The following SLC25A36 variants were observed in gnomAD, a reference collection of about 807,000 sequenced individuals.
SLC25A36 encodes the protein epididymis secretory sperm binding protein.
Under a neutral mutation model 35.3 loss-of-function variants are expected in SLC25A36, and 24 were observed. That is an observed-to-expected ratio of 0.68 (90% CI 0.49 to 0.96). The LOEUF (loss-of-function observed/expected upper bound fraction) is 0.96. Ranked by LOEUF, SLC25A36 falls within the 40% of genes least tolerant of loss-of-function variation. The pLI is 0.00. For synonymous variants in SLC25A36, 141 were observed against 132.2 expected (o/e 1.07, Z -0.46); for missense variants, 294 against 381.1 (o/e 0.77, Z 1.90).
chr3:140,943,983 A>AAC (rs1934096543), intron 1 of SLC25A36, among the ~76,000 whole-genome samples: 1 of 151,632 alleles, frequency 6.6e-6, no homozygotes, highest in African/African-American at 2.4e-5. Flanking sequence ...ATATGTAGTT[A>AAC]GAGTATTAAA....
intron 1 of SLC25A36, among the ~76,000 whole-genome samples, chr3:140,946,563 A>G (rs906081069): frequency 1.1e-4 from 17 of 152,220 alleles, no homozygotes; most frequent in African/African-American, 3.6e-4. Context: ...GTTGGAAGCA[A>G]TGGACATTGT....
intron 1 of SLC25A36, among the ~76,000 whole-genome samples, chr3:140,953,396 T>TG (rs57713122): frequency 0.071 from 9,843 of 138,944 alleles, 410 homozygotes; most frequent in East Asian, 0.17. Flanking sequence ...CGACATTTTT[T>TG]GGGGGGGGGG....
At chr3:140,956,503 G>GTT in intron 1 of SLC25A36, 24 bp from the exon 2 acceptor site, 1 of 1,437,722 alleles carries the variant, frequency 7.0e-7, no homozygotes, top group Non-Finnish European at 9.3e-7. Flanking sequence ...GATAAGCTGT[G>GTT]TTCTTTTTTT....
At chr3:140,974,823 G>T (rs1934995475) in intron 6 of SLC25A36, among the ~76,000 whole-genome samples, 1 of 152,136 alleles carries the variant, frequency 6.6e-6, no homozygotes, top group South Asian at 2.1e-4. Flanking sequence ...TAGAAAATGT[G>T]TATTTGCTCT....
At chr3:140,973,535 C>T (rs1374196308) in intron 5 of SLC25A36, 181 bp from the exon 6 acceptor site, 3 of 451,946 alleles carry the variant, frequency 6.6e-6, no homozygotes, top group Non-Finnish European at 1.1e-5. Flanking sequence ...TACATATCAC[C>T]CATTTAATAT....
chr3:140,957,464 A>G (rs949547288), intron 2 of SLC25A36, among the ~76,000 whole-genome samples: 1 of 152,226 alleles, frequency 6.6e-6, no homozygotes, highest in African/African-American at 2.4e-5. Flanking sequence ...TTAAAATGCC[A>G]TAAGTGGTGG....
chr3:140,960,108 T>TA (rs1471230000), intron 3 of SLC25A36, among the ~76,000 whole-genome samples: 1 of 152,134 alleles, frequency 6.6e-6, no homozygotes, highest in Non-Finnish European at 1.5e-5. Flanking sequence ...TAAATGGAAA[T>TA]ACTCTCGTAG....
chr3:140,973,545 T>C (rs754855395), intron 5 of SLC25A36, 171 bp from the exon 6 acceptor site: 14 of 504,332 alleles, frequency 2.8e-5, no homozygotes, highest in Non-Finnish European at 4.1e-5. Flanking sequence ...CCATTTAATA[T>C]GACAAATTTG....
At chr3:140,953,477 T>C (rs886177687) in intron 1 of SLC25A36, among the ~76,000 whole-genome samples, 1 of 152,166 alleles carries the variant, frequency 6.6e-6, no homozygotes, top group African/African-American at 2.4e-5. Context: ...TATTTATGAT[T>C]GAATGTTTCA....
At chr3:140,975,099 T>TTTTTTTTG (rs1935006376) in intron 6 of SLC25A36, among the ~76,000 whole-genome samples, 1 of 52,568 alleles carries the variant, frequency 1.9e-5, no homozygotes, top group Non-Finnish European at 3.1e-5. Flanking sequence ...GATACATTCT[T>TTTTTTTTG]TTTTTTTTTT....
At chr3:140,948,685 C>G (rs1048274477) in intron 1 of SLC25A36, among the ~76,000 whole-genome samples, 2 of 152,194 alleles carry the variant, frequency 1.3e-5, no homozygotes, top group African/African-American at 4.8e-5. Context: ...GTTCATCTAT[C>G]TGTTACCTTG....
intron 2 of SLC25A36, 84 bp downstream of exon 2, chr3:140,956,775 T>C (rs1214285755): frequency 2.1e-6 from 3 of 1,450,066 alleles, no homozygotes; most frequent in Non-Finnish European, 1.8e-6. Context: ...TTCTGCCACA[T>C]TGAAAATGAT....
chr3:140,948,330 G>T (rs114194709), intron 1 of SLC25A36, among the ~76,000 whole-genome samples: 11,349 of 151,904 alleles, frequency 0.075, 527 homozygotes, highest in East Asian at 0.17. Context: ...TTTAGTGATT[G>T]ATATTTCTTT....
At chr3:140,973,658 A>T (rs1474342782) in intron 5 of SLC25A36, 58 bp from the exon 6 acceptor site, 18 of 1,224,102 alleles carry the variant, frequency 1.5e-5, no homozygotes, top group Admixed American at 2.9e-5. Flanking sequence ...GACATATTTT[A>T]TTATATTTTA....
intron 2 of SLC25A36, among the ~76,000 whole-genome samples, chr3:140,957,615 C>T (rs919593828): frequency 3.9e-5 from 6 of 152,044 alleles, no homozygotes; most frequent in Non-Finnish European, 7.4e-5. Flanking sequence ...GTGGTGCGCA[C>T]CTGTAATCCC....
At chr3:140,975,499 C>CT (rs1322002368) in intron 6 of SLC25A36, among the ~76,000 whole-genome samples, 1 of 152,038 alleles carries the variant, frequency 6.6e-6, no homozygotes, top group African/African-American at 2.4e-5. Context: ...TTGCTTTAGA[C>CT]TATTTCCCTA....
At chr3:140,947,565 A>G (rs535494791) in intron 1 of SLC25A36, among the ~76,000 whole-genome samples, 1 of 152,304 alleles carries the variant, frequency 6.6e-6, no homozygotes, top group South Asian at 2.1e-4. Flanking sequence ...TCTAAATAGT[A>G]AAGACTCTAC....
At chr3:140,949,477 A>G (rs189086247) in intron 1 of SLC25A36, among the ~76,000 whole-genome samples, 44 of 152,364 alleles carry the variant, frequency 2.9e-4, no homozygotes, top group African/African-American at 9.6e-4. Flanking sequence ...AGATCAATAC[A>G]TAGCTATGTG....
chr3:140,950,918 C>CTGTGTGTCTGTGTGTGTGTGTG (rs1553726051), intron 1 of SLC25A36, among the ~76,000 whole-genome samples: 46 of 136,464 alleles, frequency 3.4e-4, no homozygotes, highest in African/African-American at 1.2e-3. Context: ...GTCTGTGTGT[C>CTGTGTGTCTGTGTGTGTGTGTG]TGTGTGTGTG....
Sources: allele counts gnomAD v4.1 joint callset (sites outside exome capture counted in the v4.1 genomes callset), GRCh38; gene constraint gnomAD v4.1.1; transcripts MANE v1.5; gene names NCBI Gene and HGNC (gene_info 2026-07-23, HGNC 2026-07-21).